THSD7B: variants seen among roughly 807,000 people sequenced by gnomAD.
The protein encoded by THSD7B is thrombospondin type 1 domain containing 7B.
In THSD7B, 138 loss-of-function variants were observed where a neutral mutation model predicts 213.6. The observed-to-expected ratio is 0.65, with a 90% CI of 0.56 to 0.74. The LOEUF is 0.74. Among genes scored for constraint, THSD7B ranks in the 30% least tolerant of loss-of-function variants. The pLI, the probability that THSD7B is intolerant of heterozygous loss-of-function variation, is 0.00. For missense variants in THSD7B, 1,931 were observed against 1,991.5 expected (o/e 0.97, Z 0.58); for synonymous variants, 742 against 687.0 (o/e 1.08, Z -1.25).
intron 2 of THSD7B, among the ~76,000 whole-genome samples, chr2:137,052,694 G>T (rs1687090852): frequency 6.6e-6 from 1 of 152,076 alleles, no homozygotes; most frequent in Non-Finnish European, 1.5e-5. Flanking sequence ...CAAACTGCCA[G>T]TCACATTTTA....
At chr2:137,651,004 A>G (rs1319559469) in intron 21 of THSD7B, among the ~76,000 whole-genome samples, 2 of 152,036 alleles carry the variant, frequency 1.3e-5, no homozygotes, top group African/African-American at 2.4e-5. Context: ...TTTTACATTT[A>G]TTTTCACCAG....
chr2:136,863,092 AG>A (rs1683279491), intron 1 of THSD7B, among the ~76,000 whole-genome samples: 1 of 152,182 alleles, frequency 6.6e-6, no homozygotes, highest in African/African-American at 2.4e-5. Context: ...CATCTTTCAA[AG>A]TCTTCTTGAA....
intron 17 of THSD7B, among the ~76,000 whole-genome samples, chr2:137,576,587 T>A (rs1681465313): frequency 6.6e-6 from 1 of 152,130 alleles, no homozygotes; most frequent in African/African-American, 2.4e-5. Context: ...TCTGTCACAG[T>A]CTGAATATTG....
intron 12 of THSD7B, among the ~76,000 whole-genome samples, chr2:137,398,972 C>G (rs891234482): frequency 6.6e-6 from 1 of 152,158 alleles, no homozygotes; most frequent in Non-Finnish European, 1.5e-5. Flanking sequence ...AAAGGGAACT[C>G]CCTGACCCCT....
chr2:137,129,461 A>G (rs1249534422), intron 5 of THSD7B, among the ~76,000 whole-genome samples: 1 of 151,288 alleles, frequency 6.6e-6, no homozygotes, highest in East Asian at 1.9e-4. Flanking sequence ...TTTTTTTAAG[A>G]CAGAGTCTCA....
intron 14 of THSD7B, among the ~76,000 whole-genome samples, chr2:137,446,703 C>T (rs976307940): frequency 6.6e-5 from 10 of 151,942 alleles, no homozygotes; most frequent in Non-Finnish European, 1.5e-4. Flanking sequence ...ATGGTCCAAG[C>T]AATGTATTCT....
At chr2:137,076,653 T>A (rs369333322) in intron 3 of THSD7B, among the ~76,000 whole-genome samples, 2 of 152,306 alleles carry the variant, frequency 1.3e-5, no homozygotes, top group African/African-American at 4.8e-5. Context: ...CAGTTGGAAA[T>A]GCAGAAATCA....
At chr2:137,033,597 AT>A in intron 2 of THSD7B, among the ~76,000 whole-genome samples, 1 of 151,676 alleles carries the variant, frequency 6.6e-6, no homozygotes, top group East Asian at 1.9e-4. Context: ...CTTAGATATT[AT>A]TTTTATTATT....
chr2:137,050,837 GTTTCC>G (rs1424740801), intron 2 of THSD7B, among the ~76,000 whole-genome samples: 1 of 152,048 alleles, frequency 6.6e-6, no homozygotes, highest in Non-Finnish European at 1.5e-5. Context: ...CAGAGCTTAA[GTTTCC>G]TCTCATTTAA....
chr2:136,988,945 A>T (rs1446671204), intron 2 of THSD7B, among the ~76,000 whole-genome samples: 3 of 152,274 alleles, frequency 2.0e-5, no homozygotes, highest in Non-Finnish European at 4.4e-5. Flanking sequence ...ACATTTTACC[A>T]AGGCTAGAGA....
At chr2:137,122,259 G>A (rs1395239523) in intron 5 of THSD7B, among the ~76,000 whole-genome samples, 2 of 152,146 alleles carry the variant, frequency 1.3e-5, no homozygotes, top group Admixed American at 6.5e-5. Context: ...TGGTATAGGA[G>A]GGGAGATGAG....
chr2:137,617,325 C>A (rs763587818), intron 18 of THSD7B, among the ~76,000 whole-genome samples: 1 of 152,132 alleles, frequency 6.6e-6, no homozygotes, highest in Non-Finnish European at 1.5e-5. Flanking sequence ...TGGAAAATTT[C>A]TTTAAAGAGT....
intron 1 of THSD7B, among the ~76,000 whole-genome samples, chr2:136,822,435 T>C (rs1339013363): frequency 2.0e-5 from 3 of 152,230 alleles, no homozygotes; most frequent in African/African-American, 7.2e-5. Context: ...AATTGTCCTC[T>C]GAAGGAGAAA....
intron 7 of THSD7B, among the ~76,000 whole-genome samples, chr2:137,183,144 C>T (rs1302930446): frequency 1.3e-5 from 2 of 152,044 alleles, no homozygotes; most frequent in African/African-American, 4.8e-5. Context: ...CGTAAGGATG[C>T]TATTTTGTAA....
chr2:137,097,313 T>C (rs1000061584), intron 4 of THSD7B, among the ~76,000 whole-genome samples: 3 of 152,214 alleles, frequency 2.0e-5, no homozygotes, highest in African/African-American at 7.2e-5. Context: ...TACATCTATG[T>C]TTGTTAAACA....
chr2:137,404,456 TATATATATATATATATATACAC>T (rs1444068537), intron 12 of THSD7B, among the ~76,000 whole-genome samples: 11 of 107,688 alleles, frequency 1.0e-4, no homozygotes, highest in Non-Finnish European at 1.6e-4. Context: ...TATATATATA[TATATATATATATATATATACAC>T]ACACACACAC....
intron 17 of THSD7B, among the ~76,000 whole-genome samples, chr2:137,592,868 A>G (rs1055531316): frequency 7.2e-5 from 11 of 151,938 alleles, no homozygotes; most frequent in Non-Finnish European, 1.3e-4. Context: ...GTATATGTAC[A>G]ATTTTCTACT....
intron 3 of THSD7B, among the ~76,000 whole-genome samples, chr2:137,068,233 A>T (rs1378294827): frequency 6.6e-6 from 1 of 152,016 alleles, no homozygotes; most frequent in African/African-American, 2.4e-5. Flanking sequence ...TACATGCCAG[A>T]GTGGAAACCA....
chr2:137,315,155 C>T (rs558705417), intron 12 of THSD7B, among the ~76,000 whole-genome samples: 24 of 152,270 alleles, frequency 1.6e-4, no homozygotes, highest in South Asian at 2.1e-4. Context: ...TAGCAATCAG[C>T]GAGACTCCGT....
Sources: gnomAD v4.1 joint callset for allele counts (sites outside exome capture counted in the v4.1 genomes callset) on GRCh38, gnomAD v4.1.1 for gene constraint, MANE v1.5 for transcripts, NCBI Gene and HGNC (gene_info 2026-07-23, HGNC 2026-07-21) for gene names.